Variants in ACBD5 observed in about 807,000 individuals in gnomAD.
ACBD5 encodes the protein acyl-CoA binding domain containing 5.
In ACBD5, 40 loss-of-function variants were observed where a neutral mutation model predicts 71.8. That is an observed-to-expected ratio of 0.56 (90% CI 0.43 to 0.72). ACBD5 has a LOEUF of 0.72. Among genes scored for constraint, ACBD5 ranks in the 30% least tolerant of loss-of-function variants. ACBD5 has a pLI of 0.00. For missense variants in ACBD5, 559 were observed against 644.5 expected, an observed-to-expected ratio of 0.87 and a Z score of 1.44; for synonymous variants, 229 against 218.6, an observed-to-expected ratio of 1.05 and a Z score of -0.42.
intron 12 of ACBD5, 40 bp downstream of exon 12, chr10:27,204,396 TTATG>T: frequency 7.0e-7 from 1 of 1,433,448 alleles, no homozygotes; most frequent in Non-Finnish European, 9.8e-7. Context: ...CTACTATAGG[TTATG>T]AGAGTTATAC....
chr10:27,238,833 A>G (rs183580525), intron 2 of ACBD5, among the ~76,000 whole-genome samples: 17 of 152,354 alleles, frequency 1.1e-4, no homozygotes, highest in Admixed American at 9.2e-4. Flanking sequence ...ATACTATAGT[A>G]ACATATTATT....
chr10:27,197,279 T>C lies in ACBD5; in HGVS notation c.*151A>G. On this transcript the variant is annotated 3_prime_UTR_variant, in exon 13 of 13. Transcript: ENST00000396271. The stretch of plus-strand genomic sequence containing the variant: ...GTTATCGTTTGTGTAGTGCAAAATA[T>C]ATATGTGTATATATGTACACAAACT... The C allele has an allele frequency of 1.3e-6, 1 of 741,448 alleles. No homozygotes were observed. The highest frequency in any genetic ancestry group is 2.4e-6 in the Non-Finnish European group (1 of 410,780). The allele number at this position is 741,448 out of a possible 1,614,324, so 45.9% of individuals were successfully genotyped here.
chr10:27,204,425 T>C lies in ACBD5; in HGVS notation c.1565+15A>G, dbSNP rs752881508. The C allele has an allele frequency of 6.3e-7, 1 of 1,583,230 alleles. No individual in the cohort carries two copies. The highest frequency in any genetic ancestry group is 1.1e-5 in the South Asian group (1 of 90,404). On this transcript the variant is annotated intron_variant, in intron 12 of 12. Transcript: ENST00000396271. Reference sequence around the variant, plus strand: ...GAGAGTTATACACCATTTCAAATGATGAAACTGGTCTTACCTTCTCCTTCT... The same window carrying C: ...GAGAGTTATACACCATTTCAAATGACGAAACTGGTCTTACCTTCTCCTTCT...
chr10:27,228,737 G>A (rs1441402944), intron 4 of ACBD5, among the ~76,000 whole-genome samples: 2 of 140,010 alleles, frequency 1.4e-5, no homozygotes, highest in East Asian at 4.1e-4. Context: ...GACATTTTAT[G>A]GGACACTATC....
chr10:27,225,120 C>T (rs1217753154), intron 4 of ACBD5, among the ~76,000 whole-genome samples: 4 of 150,608 alleles, frequency 2.7e-5, no homozygotes, highest in African/African-American at 7.4e-5. Context: ...CCATCATCAC[C>T]CAGGCTGTAG....
chr10:27,232,543 G>T (rs537227077), intron 3 of ACBD5, among the ~76,000 whole-genome samples: 4 of 152,078 alleles, frequency 2.6e-5, no homozygotes, highest in African/African-American at 9.6e-5. Context: ...GGCCAGGTTG[G>T]TCTCGAACTC....
At chr10:27,229,207 C>T (rs1283051204) in intron 4 of ACBD5, among the ~76,000 whole-genome samples, 1 of 151,880 alleles carries the variant, frequency 6.6e-6, no homozygotes, top group African/African-American at 2.4e-5. Context: ...TTCTACAAAA[C>T]ATCATTATAA....
chr10:27,211,212 TC>T, intron 8 of ACBD5, 131 bp from the exon 9 acceptor site: 1 of 992,262 alleles, frequency 1.0e-6, no homozygotes, highest in Non-Finnish European at 1.5e-6. Flanking sequence ...ATATTCTTTT[TC>T]TAAAAAATGT....
chr10:27,184,554 A>ATTTTTTTTTTTTTTTTTT (rs752147433), intron 13 of ACBD5, among the ~76,000 whole-genome samples: 1 of 84,848 alleles, frequency 1.2e-5, no homozygotes, highest in Admixed American at 1.8e-4. Context: ...TATAAGAAGG[A>ATTTTTTTTTTTTTTTTTT]TTTTTTTTTT....
chr10:27,195,685 T>A lies in ACBD5; in HGVS notation c.*1745A>T. 2.4e-6 allele frequency: 1 copy of A among 423,364 alleles called. No homozygotes were observed. Among genetic ancestry groups the A allele is most frequent in the Non-Finnish European group, 4.6e-6 (1 of 218,244 alleles). The allele number at this position is 423,364 out of a possible 1,614,324, so 26.2% of individuals were successfully genotyped here. A position where few individuals can be genotyped will look rare whatever the true frequency, so the allele number is the denominator to read the frequency against. On this transcript the variant is annotated 3_prime_UTR_variant, in exon 13 of 13. Coordinates refer to ENST00000396271, the MANE Select transcript of ACBD5 (RefSeq NM_145698.5). ...TTTTTTAAAAGCAAATAGTAGTAGA[T>A]CCCTTTAGACAGACATATTTTAATC... is the stretch of plus-strand genomic sequence containing the variant.
intron 4 of ACBD5, among the ~76,000 whole-genome samples, chr10:27,223,843 G>A (rs568450728): frequency 2.6e-5 from 4 of 152,010 alleles, no homozygotes; most frequent in African/African-American, 9.7e-5. Context: ...CTGGGAGGTC[G>A]AGGCTACAGT....
chr10:27,217,439 G>C (rs12253696), intron 7 of ACBD5, among the ~76,000 whole-genome samples: 10,347 of 147,054 alleles, frequency 0.07, 675 homozygotes, highest in African/African-American at 0.17. Context: ...CTGGGTGACA[G>C]AGCGAGACAC....
chr10:27,242,105 G>A (rs1396232811), upstream of ACBD5: 4 of 448,700 alleles, frequency 8.9e-6, no homozygotes, highest in South Asian at 3.1e-5. Context: ...CCCGACGCCC[G>A]CCCCTCGCCC....
At chr10:27,238,594 A>C (rs2065062411) in intron 2 of ACBD5, among the ~76,000 whole-genome samples, 1 of 152,254 alleles carries the variant, frequency 6.6e-6, no homozygotes, top group South Asian at 2.1e-4. Context: ...TCAGTCCCCC[A>C]TATGCCCTCC....
At chr10:27,216,482 G>A (rs1244858100) in intron 7 of ACBD5, among the ~76,000 whole-genome samples, 4 of 151,972 alleles carry the variant, frequency 2.6e-5, no homozygotes, top group Non-Finnish European at 5.9e-5. Context: ...CACATTGTTG[G>A]TCAGGCTGGT....
rs896401562 is a variant in ACBD5 at position 27,196,728 on chromosome 10, T to C, written c.*702A>G. ...TCATCTACAGGCTCAGAATACACTT[T>C]TAAACCTACATGAAGCTCATTCTTC... On this transcript the variant is annotated 3_prime_UTR_variant, in exon 13 of 13. Transcript: ENST00000396271. 8.8e-6 allele frequency: 4 copies of C among 454,344 alleles called. No homozygotes were observed. Among genetic ancestry groups the C allele is most frequent in the South Asian group, 1.6e-5 (1 of 64,484 alleles). 28.1% of individuals were successfully genotyped at this position (454,344 alleles called of 1,614,324 possible).
downstream of ACBD5, among the ~76,000 whole-genome samples, chr10:27,190,906 G>C (rs1182615309): frequency 6.6e-6 from 1 of 152,186 alleles, no homozygotes; most frequent in African/African-American, 2.4e-5. Flanking sequence ...GGCTTGAGCA[G>C]TTGGGTGGAT....
At chr10:27,226,190 G>A (rs2062987014) in intron 4 of ACBD5, among the ~76,000 whole-genome samples, 1 of 151,900 alleles carries the variant, frequency 6.6e-6, no homozygotes, top group Admixed American at 6.6e-5. Context: ...GGGTACATGT[G>A]CAGGTTTGTT....
At chr10:27,207,601 C>T (rs144416434) in intron 10 of ACBD5, among the ~76,000 whole-genome samples, 325 of 152,324 alleles carry the variant, frequency 2.1e-3, no homozygotes, top group Non-Finnish European at 4.0e-3. Flanking sequence ...TCTTTACTCT[C>T]TCTAACAAAT....
Sources: allele counts gnomAD v4.1 joint callset (sites outside exome capture counted in the v4.1 genomes callset), GRCh38; gene constraint gnomAD v4.1.1; transcripts MANE v1.5; gene names NCBI Gene and HGNC (gene_info 2026-07-23, HGNC 2026-07-21).